The following SAMSN1 variants were observed in gnomAD, a reference collection of about 807,000 sequenced individuals.
The protein encoded by SAMSN1 is SAM domain-containing protein SAMSN-1.
SAMSN1 carries 31 observed loss-of-function variants against 42.0 expected under a neutral mutation model. The ratio of observed to expected loss-of-function variants is 0.74; its 90% confidence interval spans 0.55 to 1.00. The LOEUF (loss-of-function observed/expected upper bound fraction) is 1.00, where lower values mean the gene tolerates loss of function less well. Among genes scored for constraint, SAMSN1 ranks in the 50% least tolerant of loss-of-function variants. SAMSN1 has a pLI of 0.00. For synonymous variants in SAMSN1, 178 were observed against 151.9 expected, an observed-to-expected ratio of 1.17 and a Z score of -1.26; for missense variants, 464 against 439.4, an observed-to-expected ratio of 1.06 and a Z score of -0.50.
chr21:14,516,442 A>G (rs1987921953), intron 3 of SAMSN1, among the ~76,000 whole-genome samples: 2 of 152,128 alleles, frequency 1.3e-5, no homozygotes, highest in African/African-American at 2.4e-5. Flanking sequence ...GCCAGGCTGA[A>G]GTTCAGTGGT....
At chr21:14,528,853 CG>C (rs1214487072) in intron 1 of SAMSN1, among the ~76,000 whole-genome samples, 1 of 152,082 alleles carries the variant, frequency 6.6e-6, no homozygotes, top group African/African-American at 2.4e-5. Context: ...TGACCGTTAC[CG>C]AGAGCTTTCC....
intron 5 of SAMSN1, among the ~76,000 whole-genome samples, chr21:14,507,521 T>C (rs892849382): frequency 2.0e-5 from 3 of 152,122 alleles, no homozygotes; most frequent in African/African-American, 7.2e-5. Context: ...CAAGGAAAAG[T>C]ACAAAGCACT....
At chr21:14,521,379 T>C (rs958409650) in intron 1 of SAMSN1, among the ~76,000 whole-genome samples, 158 bp from the exon 2 acceptor site, 5 of 152,242 alleles carry the variant, frequency 3.3e-5, no homozygotes, top group African/African-American at 1.2e-4. Flanking sequence ...TGTGAAGGTA[T>C]ACCTATTAAC....
chr21:14,526,271 G>A (rs79460499), intron 1 of SAMSN1, among the ~76,000 whole-genome samples: 3,517 of 152,238 alleles, frequency 0.023, 58 homozygotes, highest in Non-Finnish European at 0.035. Context: ...ATAAACTTGC[G>A]TTTCCTAAAT....
intron 5 of SAMSN1, among the ~76,000 whole-genome samples, chr21:14,604,411 G>A (rs1010362740): frequency 2.0e-5 from 3 of 152,118 alleles, no homozygotes; most frequent in Non-Finnish European, 4.4e-5. Flanking sequence ...GACTTCCAAG[G>A]TTAGGTTAAA....
intron 5 of SAMSN1, among the ~76,000 whole-genome samples, chr21:14,507,713 T>C (rs1158024521): frequency 1.3e-5 from 2 of 152,024 alleles, no homozygotes; most frequent in African/African-American, 4.8e-5. Flanking sequence ...AAAATTCATA[T>C]GGAACCAAAA....
At chr21:14,577,280 A>ATTTTTTTTTT (rs1568816249) in intron 2 of SAMSN1, among the ~76,000 whole-genome samples, 1 of 48,416 alleles carries the variant, frequency 2.1e-5, no homozygotes, top group African/African-American at 1.3e-4. Flanking sequence ...ATATATATAT[A>ATTTTTTTTTT]TATATTTTTT....
intron 5 of SAMSN1, among the ~76,000 whole-genome samples, chr21:14,502,956 C>A (rs867859389): frequency 6.6e-6 from 1 of 152,082 alleles, no homozygotes; most frequent in East Asian, 1.9e-4. Flanking sequence ...ATACTTTATG[C>A]CCTTTGACTT....
At chr21:14,621,574 C>CA (rs1469554983) in intron 2 of SAMSN1, among the ~76,000 whole-genome samples, 5 of 70,840 alleles carry the variant, frequency 7.1e-5, no homozygotes, top group African/African-American at 1.0e-4. Flanking sequence ...GATCGAACTG[C>CA]AAGGTCACAG....
intron 5 of SAMSN1, among the ~76,000 whole-genome samples, chr21:14,605,695 A>G (rs1982545038): frequency 6.6e-6 from 1 of 151,920 alleles, no homozygotes; most frequent in Non-Finnish European, 1.5e-5. Flanking sequence ...ATTAGGTTTC[A>G]AACCAATGGT....
intron 3 of SAMSN1, among the ~76,000 whole-genome samples, chr21:14,614,007 G>T (rs1437857524): frequency 6.6e-6 from 1 of 151,974 alleles, no homozygotes; most frequent in Non-Finnish European, 1.5e-5. Flanking sequence ...ACAAATAAAT[G>T]AAAAGACATA....
intron 7 of SAMSN1, among the ~76,000 whole-genome samples, chr21:14,490,184 A>G (rs1239236206): frequency 6.6e-6 from 1 of 152,216 alleles, no homozygotes; most frequent in Non-Finnish European, 1.5e-5. Flanking sequence ...CCTTAAAGGC[A>G]TAGGAAAATT....
chr21:14,654,376 A>T (rs2822817), intron 1 of SAMSN1, among the ~76,000 whole-genome samples: 14,000 of 152,122 alleles, frequency 0.092, 752 homozygotes, highest in Admixed American at 0.19. Context: ...GTGCTCTAAA[A>T]TACGTAAACA....
Position 14,653,944 on chromosome 21 carries a change from G to T in SAMSN1, c.24+4804C>A, listed in dbSNP as rs536210416. Among the ~76,000 whole-genome samples, 10 of 151,608 alleles carry T rather than the reference G, an allele frequency of 6.6e-5. No individual in the cohort carries two copies. The South Asian group carries it at 2.1e-3, about 32-fold the overall frequency. On this transcript the variant is annotated intron_variant, in intron 1 of 15. Coordinates refer to the SAMSN1 transcript ENST00000647101. Reference sequence around the variant, plus strand: ...AAAAATATTTTACAAGTACAGTCAAGAAATTAATATTAATGTTTAGAACAT... The same window carrying T: ...AAAAATATTTTACAAGTACAGTCAATAAATTAATATTAATGTTTAGAACAT...
intron 5 of SAMSN1, among the ~76,000 whole-genome samples, chr21:14,605,535 A>G (rs1982542511): frequency 6.6e-6 from 1 of 152,238 alleles, no homozygotes; most frequent in Non-Finnish European, 1.5e-5. Flanking sequence ...GTGAATTTAT[A>G]CCATCTTTTG....
intron 1 of SAMSN1, among the ~76,000 whole-genome samples, chr21:14,545,589 T>C (rs1434435779): frequency 3.9e-5 from 6 of 152,080 alleles, no homozygotes; most frequent in Admixed American, 6.5e-5. Context: ...AGAGTAACAT[T>C]CCACATATTA....
At chr21:14,584,711 G>T (rs1600945698), upstream of SAMSN1, among the ~76,000 whole-genome samples, 1 of 152,104 alleles carries the variant, frequency 6.6e-6, no homozygotes, top group African/African-American at 2.4e-5. Flanking sequence ...ACCTGCTTTT[G>T]TCTCATTCTT....
intron 3 of SAMSN1, among the ~76,000 whole-genome samples, chr21:14,514,835 T>A (rs1326432106): frequency 6.6e-6 from 1 of 152,178 alleles, no homozygotes; most frequent in African/African-American, 2.4e-5. Context: ...AATGAAGATA[T>A]CAAATAAGCA....
chr21:14,598,095 T>C (rs943309996), intron 6 of SAMSN1: 1 of 152,064 alleles, frequency 6.6e-6, no homozygotes, highest in African/African-American at 2.4e-5. Flanking sequence ...TTAATTCAAT[T>C]AGCAACACTT....
Sources: gnomAD v4.1 joint callset for allele counts (sites outside exome capture counted in the v4.1 genomes callset) on GRCh38, gnomAD v4.1.1 for gene constraint, MANE v1.5 for transcripts, NCBI Gene and HGNC (gene_info 2026-07-23, HGNC 2026-07-21) for gene names.